RBFOX3: variants seen among roughly 807,000 people sequenced by gnomAD.
RBFOX3 encodes the protein RNA binding fox-1 homolog 3.
A neutral mutation model predicts 48.7 loss-of-function variants in RBFOX3; 17 were observed. The ratio of observed to expected loss-of-function variants is 0.35; its 90% confidence interval spans 0.24 to 0.52. The LOEUF is 0.52. Among genes scored for constraint, RBFOX3 ranks in the 20% least tolerant of loss-of-function variants. RBFOX3 has a pLI of 0.94. For missense variants in RBFOX3, 382 were observed against 497.5 expected (o/e 0.77, Z 2.21); for synonymous variants, 212 against 209.5 (o/e 1.01, Z -0.10).
chr17:79,291,416 C>T (rs1403018577), intron 3 of RBFOX3, among the ~76,000 whole-genome samples: 1 of 152,176 alleles, frequency 6.6e-6, no homozygotes, highest in African/African-American at 2.4e-5. Flanking sequence ...GGCTGGTCTG[C>T]ATGGAGCTGA....
chr17:79,097,343 T>C lies in RBFOX3; in HGVS notation c.704A>G (p.Tyr235Cys), dbSNP rs750845824. The stretch of plus-strand genomic sequence containing the variant: ...GGGTGGCGCAGCCCGAAATGTATTA[T>C]ACACGGCCCGGCCCCGGCCCCGAAG... ...AHLRGRGRAV[Y>C]NTFRAAPPPP... Residue 235 changes from tyrosine to cysteine, a missense_variant, in exon 11 of 15, where the codon TAT becomes TGT. Tyr to Cys is a radical substitution (Grantham distance 194, BLOSUM62 -2). Transcript: ENST00000693108. 2 of 1,548,812 alleles carry C rather than the reference T, an allele frequency of 1.3e-6. No individual in the cohort carries two copies. The highest frequency in any genetic ancestry group is 1.2e-5 in the South Asian group (1 of 83,974).
intron 3 of RBFOX3, among the ~76,000 whole-genome samples, chr17:79,302,805 T>G (rs2145399241): frequency 6.6e-6 from 1 of 152,314 alleles, no homozygotes; most frequent in African/African-American, 2.4e-5. Flanking sequence ...TAAAACAAAA[T>G]AATATTTAAA....
At chr17:79,415,914 C>T (rs1197788882) in intron 2 of RBFOX3, among the ~76,000 whole-genome samples, 2 of 152,096 alleles carry the variant, frequency 1.3e-5, no homozygotes, top group Non-Finnish European at 2.9e-5. Flanking sequence ...GGAGCAGGCC[C>T]CTCCCACCTC....
At chr17:79,180,795 C>A (rs148890625) in intron 4 of RBFOX3, among the ~76,000 whole-genome samples, 1 of 152,074 alleles carries the variant, frequency 6.6e-6, no homozygotes, top group African/African-American at 2.4e-5. Context: ...TGGCCAACCA[C>A]CCCAGCAGAA....
intron 4 of RBFOX3, among the ~76,000 whole-genome samples, chr17:79,174,530 C>T (rs2050109574): frequency 6.6e-6 from 1 of 151,156 alleles, no homozygotes; most frequent in Non-Finnish European, 1.5e-5. Flanking sequence ...CTCACAGACA[C>T]ATGCACAGTC....
chr17:79,453,513 C>T (rs1598758955), intron 2 of RBFOX3, among the ~76,000 whole-genome samples: 3 of 152,200 alleles, frequency 2.0e-5, no homozygotes, highest in South Asian at 4.1e-4. Context: ...GGATGTCACC[C>T]AGAGTCCCAG....
At chr17:79,216,825 G>A (rs572381074) in intron 4 of RBFOX3, among the ~76,000 whole-genome samples, 175 of 118,108 alleles carry the variant, frequency 1.5e-3, no homozygotes, top group Middle Eastern at 7.8e-3. Flanking sequence ...CCAGGGTCAT[G>A]CAGCTGCCAA....
intron 1 of RBFOX3, among the ~76,000 whole-genome samples, chr17:79,573,487 A>G (rs1224009547): frequency 6.6e-6 from 1 of 151,896 alleles, no homozygotes. Context: ...CCCTGGAGAC[A>G]CTCTCTGGTC....
intron 2 of RBFOX3, among the ~76,000 whole-genome samples, chr17:79,415,764 C>T (rs1169334126): frequency 6.6e-6 from 1 of 152,148 alleles, no homozygotes; most frequent in Non-Finnish European, 1.5e-5. Flanking sequence ...CATCTGGGCC[C>T]TGGGGGAGGC....
intron 2 of RBFOX3, among the ~76,000 whole-genome samples, chr17:79,439,563 C>T (rs2070372627): frequency 6.6e-6 from 1 of 152,242 alleles, no homozygotes; most frequent in Non-Finnish European, 1.5e-5. Context: ...CATTCACATA[C>T]ATTTGCGTGA....
intron 5 of RBFOX3, among the ~76,000 whole-genome samples, chr17:79,114,370 G>A (rs541183120): frequency 7.3e-4 from 111 of 152,152 alleles, no homozygotes; most frequent in African/African-American, 1.2e-3. Context: ...TGATGGTCTC[G>A]GGGCAGATTC....
intron 2 of RBFOX3, among the ~76,000 whole-genome samples, chr17:79,370,503 C>T (rs1432088364): frequency 6.6e-6 from 1 of 151,974 alleles, no homozygotes; most frequent in Non-Finnish European, 1.5e-5. Context: ...CACAGGCACA[C>T]ACACGTACAC....
intron 2 of RBFOX3, among the ~76,000 whole-genome samples, chr17:79,400,961 A>G (rs938612469): frequency 6.6e-6 from 1 of 152,218 alleles, no homozygotes; most frequent in Non-Finnish European, 1.5e-5. Flanking sequence ...TCCCTGTGCC[A>G]AGAGATCCTC....
At chr17:79,350,614 C>T (rs1006617456) in intron 2 of RBFOX3, among the ~76,000 whole-genome samples, 3 of 152,234 alleles carry the variant, frequency 2.0e-5, no homozygotes, top group African/African-American at 7.2e-5. Context: ...GCAGGCATGG[C>T]TGTGACCCCT....
chr17:79,179,524 C>T (rs1035958140), intron 4 of RBFOX3, among the ~76,000 whole-genome samples: 10 of 152,240 alleles, frequency 6.6e-5, no homozygotes, highest in African/African-American at 2.4e-4. Context: ...AGTCCCTCTC[C>T]CCCGGCCAGC....
At chr17:79,557,638 C>T (rs933104123) in intron 1 of RBFOX3, among the ~76,000 whole-genome samples, 4 of 152,288 alleles carry the variant, frequency 2.6e-5, no homozygotes, top group South Asian at 4.2e-4. Flanking sequence ...GCCGAAGAAA[C>T]GAGTCTGAAG....
chr17:79,131,841 C>T (rs1373652151), intron 4 of RBFOX3, among the ~76,000 whole-genome samples: 3 of 152,198 alleles, frequency 2.0e-5, no homozygotes, highest in African/African-American at 4.8e-5. Flanking sequence ...AGAGCCCAAC[C>T]CCAGCCCCAG....
At chr17:79,339,049 CTTTCT>C (rs1276299189) in intron 2 of RBFOX3, among the ~76,000 whole-genome samples, 3 of 142,948 alleles carry the variant, frequency 2.1e-5, no homozygotes, top group African/African-American at 2.5e-5. Context: ...CAGGTGATTG[CTTTCT>C]TTTCTTTTCT....
rs2086595380 is a variant in RBFOX3 at position 79,362,610 on chromosome 17, G to C, written c.-174-54786C>G. 6.6e-6 allele frequency among the ~76,000 whole-genome samples: 1 copy of C among 152,214 alleles called. No homozygotes were observed. The highest frequency in any genetic ancestry group is 1.5e-5 in the Non-Finnish European group (1 of 68,028). On this transcript the variant is annotated intron_variant, in intron 2 of 14. Transcript: ENST00000693108. The surrounding 1 kb of genome is among the most constrained non-coding windows in gnomAD (Gnocchi z 4.2). ...AGGGGCCCAGAGGCCTCTTTGCAAA[G>C]CTTGAATACCTGGCGCCCCAGGAAA...
Sources: gnomAD v4.1 joint callset for allele counts (sites outside exome capture counted in the v4.1 genomes callset) on GRCh38, gnomAD v4.1.1 for gene constraint, Gnocchi (gnomAD v3.1) non-coding constraint, MANE v1.5 for transcripts, NCBI Gene and HGNC (gene_info 2026-07-23, HGNC 2026-07-21) for gene names.